ADK: variants seen among roughly 807,000 people sequenced by gnomAD.
The protein encoded by ADK is N6,N6-dimethyladenosine kinase.
In ADK, 24 loss-of-function variants were observed where a neutral mutation model predicts 44.7. The observed-to-expected ratio is 0.54, with a 90% confidence interval of 0.39 to 0.76. The LOEUF (loss-of-function observed/expected upper bound fraction) is 0.76. Ranked by LOEUF, ADK falls within the 30% of genes least tolerant of loss-of-function variation. The probability of loss-of-function intolerance (pLI) is 0.00; values close to 1 mark genes in which losing one functional copy is unlikely to be tolerated. For missense variants in ADK, 321 were observed against 425.1 expected, an observed-to-expected ratio of 0.76 and a Z score of 2.15; for synonymous variants, 128 against 142.6, an observed-to-expected ratio of 0.90 and a Z score of 0.73.
At chr10:74,320,758 C>A (rs1206404553) in intron 4 of ADK, among the ~76,000 whole-genome samples, 1 of 152,124 alleles carries the variant, frequency 6.6e-6, no homozygotes, top group Non-Finnish European at 1.5e-5. Flanking sequence ...GGAGATTTTT[C>A]TCTCATCCTG....
chr10:74,211,143 C>T (rs1377746698), intron 2 of ADK, among the ~76,000 whole-genome samples: 1 of 152,160 alleles, frequency 6.6e-6, no homozygotes, highest in Non-Finnish European at 1.5e-5. Context: ...CCTCAGCCTC[C>T]CAAAGTGCTG....
intron 4 of ADK, among the ~76,000 whole-genome samples, chr10:74,334,983 A>G (rs1248761467): frequency 6.6e-6 from 1 of 151,708 alleles, no homozygotes; most frequent in African/African-American, 2.4e-5. Flanking sequence ...ACACTTACCA[A>G]CTCTTTCTCT....
At chr10:74,252,231 A>G (rs1040300468) in intron 3 of ADK, among the ~76,000 whole-genome samples, 22 of 152,178 alleles carry the variant, frequency 1.4e-4, no homozygotes, top group Admixed American at 3.9e-4. Flanking sequence ...CAGTGAAAAG[A>G]TGGTGAGAAC....
intron 4 of ADK, among the ~76,000 whole-genome samples, chr10:74,380,993 T>TAAAC (rs1842962604): frequency 6.6e-6 from 1 of 152,142 alleles, no homozygotes; most frequent in Non-Finnish European, 1.5e-5. Flanking sequence ...TTTACTACTG[T>TAAAC]AAGTGTTTAA....
At chr10:74,443,528 G>A (rs966604181) in intron 6 of ADK, among the ~76,000 whole-genome samples, 1 of 152,174 alleles carries the variant, frequency 6.6e-6, no homozygotes, top group East Asian at 1.9e-4. Context: ...ATTGGTGGTT[G>A]TCTTAGGCTG....
chr10:74,653,912 G>A (rs1299276177), intron 9 of ADK, among the ~76,000 whole-genome samples: 1 of 152,148 alleles, frequency 6.6e-6, no homozygotes, highest in Non-Finnish European at 1.5e-5. Context: ...AAATATCCTT[G>A]TCTTTCAGTA....
intron 1 of ADK, among the ~76,000 whole-genome samples, chr10:74,189,052 A>G (rs1276765592): frequency 6.6e-6 from 1 of 150,574 alleles, no homozygotes; most frequent in Non-Finnish European, 1.5e-5. Flanking sequence ...GCTCCCAGCC[A>G]CATTTCTTTC....
rs1554865927 is a variant in ADK, at chr10:74,480,226, C to CTTTCT, written c.556-45027_556-45026insCTTTT. ...CCTAATTTTCTTTCTTTCTTTCTTT[C>CTTTCT]TTTTTTTTTTTTTTTAAAGAGACAG... is the stretch of plus-strand genomic sequence containing the variant. On this transcript the variant is annotated intron_variant, in intron 6 of 10. Coordinates refer to ENST00000539909, the MANE Select transcript of ADK (RefSeq NM_006721.4). 9.4e-3 allele frequency among the ~76,000 whole-genome samples: 1,245 copies of CTTTCT among 133,032 alleles called. 8 individuals are homozygous for CTTTCT. The highest frequency in any genetic ancestry group is 0.016 in the Non-Finnish European group (1,037 of 64,586). 87.3% of individuals were successfully genotyped at this position (133,032 alleles called of 152,430 possible). A position where few individuals can be genotyped will look rare whatever the true frequency, so the allele number is the denominator to read the frequency against.
At chr10:74,340,698 G>A (rs1178447437) in intron 4 of ADK, among the ~76,000 whole-genome samples, 1 of 152,110 alleles carries the variant, frequency 6.6e-6, no homozygotes, top group East Asian at 1.9e-4. Context: ...GGAAACCAGT[G>A]GAGGAAAACT....
At chr10:74,233,833 A>G (rs562458240) in intron 3 of ADK, among the ~76,000 whole-genome samples, 1 of 152,340 alleles carries the variant, frequency 6.6e-6, no homozygotes, top group Non-Finnish European at 1.5e-5. Context: ...ATAACAAAAA[A>G]GGATAATGAT....
chr10:74,672,895 A>G (rs1286555511), intron 10 of ADK, among the ~76,000 whole-genome samples: 1 of 152,260 alleles, frequency 6.6e-6, no homozygotes, highest in African/African-American at 2.4e-5. Context: ...CCATAGTCTC[A>G]TGGCTAGAGA....
chr10:74,341,494 T>C (rs1347087816), intron 4 of ADK, among the ~76,000 whole-genome samples: 1 of 147,014 alleles, frequency 6.8e-6, no homozygotes, highest in Non-Finnish European at 1.5e-5. Context: ...GCCACTGCAC[T>C]GCAGCCTGGA....
chr10:74,525,620 CTTCT>C (rs1849006195), intron 7 of ADK, among the ~76,000 whole-genome samples, 194 bp downstream of exon 7: 1 of 151,918 alleles, frequency 6.6e-6, no homozygotes, highest in African/African-American at 2.4e-5. Flanking sequence ...TATATACTAA[CTTCT>C]TTCTTAGTGA....
In ADK at chr10:74,675,577, C is replaced by T. The variant is rs553633552; in HGVS notation, c.964+5308C>T. The stretch of plus-strand genomic sequence containing the variant: ...TTGGAAATGGATACAATTCTATAAT[C>T]TCTAAGTATGATTTCCTAATTTCCT... On this transcript the variant is annotated intron_variant, in intron 10 of 10. Coordinates refer to ENST00000539909, the MANE Select transcript of ADK (RefSeq NM_006721.4). 1.6e-4 allele frequency among the ~76,000 whole-genome samples: 24 copies of T among 152,296 alleles called. No homozygotes were observed. In the South Asian group the frequency reaches 4.8e-3, roughly 30 times the overall value.
At chr10:74,604,791 T>G (rs1466762639) in intron 9 of ADK, among the ~76,000 whole-genome samples, 3 of 152,188 alleles carry the variant, frequency 2.0e-5, no homozygotes, top group Non-Finnish European at 2.9e-5. Flanking sequence ...GTGAAGAAAG[T>G]CAATGGTAGC....
chr10:74,485,843 C>T (rs1847247640), intron 6 of ADK, among the ~76,000 whole-genome samples: 1 of 152,068 alleles, frequency 6.6e-6, no homozygotes. Context: ...TGTAAAGATG[C>T]AATATTTGTC....
intron 6 of ADK, among the ~76,000 whole-genome samples, chr10:74,520,863 A>T (rs905558576): frequency 2.0e-5 from 3 of 152,082 alleles, no homozygotes; most frequent in Non-Finnish European, 4.4e-5. Context: ...CTTCATTCTC[A>T]GTTCTAATTA....
chr10:74,667,699 AT>A (rs143437964), intron 9 of ADK, among the ~76,000 whole-genome samples: 2 of 150,238 alleles, frequency 1.3e-5, no homozygotes. Flanking sequence ...TGCCTGACAA[AT>A]TTTTTTTTGT....
intron 3 of ADK, among the ~76,000 whole-genome samples, chr10:74,282,615 T>C (rs974063453): frequency 1.8e-4 from 28 of 152,208 alleles, no homozygotes; most frequent in Admixed American, 2.0e-4. Context: ...CTATGCATAG[T>C]AATGAGAATA....
Sources: gnomAD v4.1 joint callset for allele counts (sites outside exome capture counted in the v4.1 genomes callset) on GRCh38, gnomAD v4.1.1 for gene constraint, MANE v1.5 for transcripts, NCBI Gene and HGNC (gene_info 2026-07-23, HGNC 2026-07-21) for gene names.